NTNG1: variants seen among roughly 807,000 people sequenced by gnomAD.
NTNG1 encodes the protein netrin G1.
A neutral mutation model predicts 54.0 loss-of-function variants in NTNG1; 16 were observed. The ratio of observed to expected loss-of-function variants is 0.30; its 90% CI spans 0.20 to 0.45. NTNG1 has a LOEUF of 0.45. Among genes scored for constraint, NTNG1 ranks in the 20% least tolerant of loss-of-function variants. The pLI, the probability that NTNG1 is intolerant of heterozygous loss-of-function variation, is 1.00. For synonymous variants in NTNG1, 255 were observed against 263.1 expected (o/e 0.97, Z 0.30); for missense variants, 530 against 678.7 (o/e 0.78, Z 2.43).
At chr1:107,193,375 A>G (rs1658100953) in intron 2 of NTNG1, among the ~76,000 whole-genome samples, 1 of 152,024 alleles carries the variant, frequency 6.6e-6, no homozygotes, top group Non-Finnish European at 1.5e-5. Context: ...ACACTTCCAC[A>G]TCTCAGAATA....
chr1:107,299,402 G>A lies in NTNG1; in HGVS notation c.247-24880G>A, dbSNP rs538913735. 8.7e-4 allele frequency among the ~76,000 whole-genome samples: 132 copies of A among 152,040 alleles called. 1 individual carries two copies. Among genetic ancestry groups the A allele is most frequent in the African/African-American group, 2.9e-3 (120 of 41,468 alleles). On this transcript the variant is annotated intron_variant, in intron 2 of 7. Transcript: ENST00000370068. ...TTTGAAGCGTTTTTTTTCTTCCTTC[G>A]TAGCACATACAGTGGTACTTCTCAA...
chr1:107,187,774 T>C (rs1018396942), intron 2 of NTNG1, among the ~76,000 whole-genome samples: 2 of 152,100 alleles, frequency 1.3e-5, no homozygotes, highest in African/African-American at 4.8e-5. Context: ...GCCTCAGGTG[T>C]CGGCAAGGAC....
At chr1:107,322,910 A>G (rs1195101935) in intron 2 of NTNG1, among the ~76,000 whole-genome samples, 1 of 152,048 alleles carries the variant, frequency 6.6e-6, no homozygotes, top group Non-Finnish European at 1.5e-5. Flanking sequence ...ATTAATGGGA[A>G]AGAGAGAGTG....
intron 3 of NTNG1, among the ~76,000 whole-genome samples, chr1:107,361,539 C>A (rs1316613047): frequency 6.6e-6 from 1 of 151,484 alleles, no homozygotes; most frequent in African/African-American, 2.4e-5. Context: ...CAGGCATGCA[C>A]CACTATGCCC....
chr1:107,151,123 A>G (rs942734433), intron 2 of NTNG1, among the ~76,000 whole-genome samples: 1 of 152,192 alleles, frequency 6.6e-6, no homozygotes, highest in South Asian at 2.1e-4. Flanking sequence ...CTTAATTTGT[A>G]TTCCTTAATA....
intron 2 of NTNG1, among the ~76,000 whole-genome samples, chr1:107,157,293 A>G (rs1416610814): frequency 2.0e-5 from 3 of 152,194 alleles, no homozygotes; most frequent in Non-Finnish European, 4.4e-5. Context: ...GTATTCTAGC[A>G]TATGAATATC....
At chr1:107,337,015 C>T (rs1461394828) in intron 3 of NTNG1, among the ~76,000 whole-genome samples, 1 of 151,896 alleles carries the variant, frequency 6.6e-6, no homozygotes, top group African/African-American at 2.4e-5. Context: ...TTTTGCTATA[C>T]TAATGAAATG....
At chr1:107,274,175 G>T (rs188958604) in intron 2 of NTNG1, among the ~76,000 whole-genome samples, 12 of 152,206 alleles carry the variant, frequency 7.9e-5, no homozygotes, top group Non-Finnish European at 1.8e-4. Context: ...AGTCCCCAAG[G>T]GGGTAGCACT....
chr1:107,397,799 A>G lies in NTNG1; in HGVS notation c.1060+2473A>G, dbSNP rs79754664. Among the ~76,000 whole-genome samples the G allele has an allele frequency of 0.012, 1,794 of 151,392 alleles. 86 individuals are homozygous for G. In the East Asian group the frequency reaches 0.17, roughly 15 times the overall value. ...GACCCTGGCTTTATTTCTTCCCCAG[A>G]TTAACCATTATCGACTCCAATTCTT... On this transcript the variant is annotated intron_variant, in intron 4 of 7. Coordinates refer to ENST00000370068, the MANE Select transcript of NTNG1 (RefSeq NM_001113226.3).
At chr1:107,428,530 G>T (rs1675044319) in intron 5 of NTNG1, among the ~76,000 whole-genome samples, 1 of 151,994 alleles carries the variant, frequency 6.6e-6, no homozygotes, top group African/African-American at 2.4e-5. Context: ...AACCAACCCG[G>T]GTTAGGGAAC....
intron 2 of NTNG1, among the ~76,000 whole-genome samples, chr1:107,222,046 C>T (rs541625405): frequency 1.4e-3 from 220 of 151,976 alleles, no homozygotes; most frequent in African/African-American, 5.1e-3. Context: ...AACCTTCATA[C>T]GTGTTGTTGT....
At chr1:107,261,391 T>G (rs771623583) in intron 2 of NTNG1, among the ~76,000 whole-genome samples, 5 of 152,162 alleles carry the variant, frequency 3.3e-5, no homozygotes, top group Non-Finnish European at 5.9e-5. Flanking sequence ...ATAAGGGAAT[T>G]TGTTAACATC....
At chr1:107,211,266 C>A (rs1388568796) in intron 2 of NTNG1, among the ~76,000 whole-genome samples, 1 of 152,030 alleles carries the variant, frequency 6.6e-6, no homozygotes, top group Non-Finnish European at 1.5e-5. Flanking sequence ...ATTCATACAT[C>A]CTATAAGATG....
intron 3 of NTNG1, among the ~76,000 whole-genome samples, chr1:107,347,961 T>A (rs941749640): frequency 1.3e-5 from 2 of 152,214 alleles, no homozygotes; most frequent in African/African-American, 2.4e-5. Context: ...CACGTGGTGA[T>A]CATGAGGATT....
At chr1:107,149,435 C>T (rs1269272056) in intron 2 of NTNG1, among the ~76,000 whole-genome samples, 2 of 152,084 alleles carry the variant, frequency 1.3e-5, no homozygotes, top group Non-Finnish European at 2.9e-5. Flanking sequence ...CCCTTATTGT[C>T]AAGGTCATAG....
chr1:107,375,269 C>A (rs190723799), intron 3 of NTNG1, among the ~76,000 whole-genome samples: 1 of 152,334 alleles, frequency 6.6e-6, no homozygotes, highest in African/African-American at 2.4e-5. Flanking sequence ...AGTAGCTCAG[C>A]CTGCGTTCCT....
intron 2 of NTNG1, among the ~76,000 whole-genome samples, chr1:107,224,735 T>C (rs949363604): frequency 2.0e-5 from 3 of 152,172 alleles, no homozygotes; most frequent in Non-Finnish European, 4.4e-5. Flanking sequence ...CCTGGTAGTA[T>C]AACAGAAGCT....
intron 2 of NTNG1, among the ~76,000 whole-genome samples, chr1:107,221,469 A>T (rs953005108): frequency 1.3e-5 from 2 of 152,198 alleles, no homozygotes; most frequent in African/African-American, 4.8e-5. Flanking sequence ...GGGTGGCTCT[A>T]TGATAAAGTT....
At chr1:107,204,052 T>C (rs952644814) in intron 2 of NTNG1, among the ~76,000 whole-genome samples, 2 of 151,686 alleles carry the variant, frequency 1.3e-5, no homozygotes, top group Non-Finnish European at 2.9e-5. Flanking sequence ...TTTTTTTCCA[T>C]ATTATTGCTT....
Sources: allele counts gnomAD v4.1 joint callset (sites outside exome capture counted in the v4.1 genomes callset), GRCh38; gene constraint gnomAD v4.1.1; transcripts MANE v1.5; gene names NCBI Gene and HGNC (gene_info 2026-07-23, HGNC 2026-07-21).